OPCML: variants seen among roughly 807,000 people sequenced by gnomAD.
OPCML encodes the protein opioid binding protein/cell adhesion molecule like, also known as opioid-binding protein/cell adhesion molecule.
In OPCML, 13 loss-of-function variants were observed where a neutral mutation model predicts 37.8. The ratio of observed to expected loss-of-function variants is 0.34; its 90% CI spans 0.22 to 0.55. The LOEUF is 0.55. OPCML is among the 20% of genes least tolerant of loss of function. The pLI, the probability that OPCML is intolerant of heterozygous loss-of-function variation, is 0.91. For missense variants in OPCML, 341 were observed against 435.6 expected (o/e 0.78, Z 1.93); for synonymous variants, 176 against 168.8 (o/e 1.04, Z -0.33).
intron 4 of OPCML, among the ~76,000 whole-genome samples, chr11:132,471,870 C>T (rs983155282): frequency 3.9e-5 from 6 of 152,206 alleles, no homozygotes; most frequent in Non-Finnish European, 8.8e-5. Context: ...AACTCCAGCC[C>T]ACATTGAAAG....
At chr11:132,818,294 T>C (rs1939746343) in intron 2 of OPCML, among the ~76,000 whole-genome samples, 1 of 152,194 alleles carries the variant, frequency 6.6e-6, no homozygotes, top group African/African-American at 2.4e-5. Flanking sequence ...TTATCTTTTC[T>C]TCAATTTGGG....
chr11:132,472,874 A>G (rs925855327), intron 4 of OPCML, among the ~76,000 whole-genome samples: 1 of 152,240 alleles, frequency 6.6e-6, no homozygotes, highest in Non-Finnish European at 1.5e-5. Flanking sequence ...CATCAAATCA[A>G]CAGGCCACTT....
intron 1 of OPCML, among the ~76,000 whole-genome samples, chr11:133,530,191 T>C (rs1948576307): frequency 6.6e-6 from 1 of 152,082 alleles, no homozygotes; most frequent in Non-Finnish European, 1.5e-5. Flanking sequence ...CAGCCGGCTT[T>C]AGTTTCGGGT....
intron 3 of OPCML, among the ~76,000 whole-genome samples, chr11:132,558,817 C>A (rs1251597933): frequency 6.6e-6 from 1 of 151,880 alleles, no homozygotes; most frequent in Admixed American, 6.6e-5. Context: ...TTGATGATTG[C>A]ATAATTGTTG....
chr11:132,970,609 A>G (rs1049565645), intron 1 of OPCML, among the ~76,000 whole-genome samples: 4 of 152,158 alleles, frequency 2.6e-5, no homozygotes, highest in Non-Finnish European at 4.4e-5. Flanking sequence ...CCAGCTATGA[A>G]AAATTTATTT....
intron 1 of OPCML, among the ~76,000 whole-genome samples, chr11:133,417,790 A>C (rs529286551): frequency 6.6e-6 from 1 of 151,874 alleles, no homozygotes; most frequent in Non-Finnish European, 1.5e-5. Context: ...ACTAAATTCT[A>C]TGCCTTGTGT....
intron 1 of OPCML, among the ~76,000 whole-genome samples, chr11:133,449,281 C>T (rs1251810672): frequency 6.6e-6 from 1 of 152,154 alleles, no homozygotes; most frequent in Non-Finnish European, 1.5e-5. Context: ...TTAAGTTTTG[C>T]TGGACATAAA....
rs1257295776 is a variant in OPCML, at chr11:133,177,481, TAAAC to T, written c.62-234475_62-234472del. 2.0e-5 allele frequency among the ~76,000 whole-genome samples: 3 copies of T among 152,224 alleles called. No individual in the cohort carries two copies. Among genetic ancestry groups the T allele is most frequent in the Admixed American group, 1.3e-4 (2 of 15,296 alleles). ...CCACTGAAATGAATGAGAAAACAAA[TAAAC>T]AAATCAAAATCCTGCTTCCTGATGG... On this transcript the variant is annotated intron_variant, in intron 1 of 7. Coordinates refer to ENST00000524381, the MANE Select transcript of OPCML (RefSeq NM_001012393.5). The surrounding 1 kb of genome is among the most constrained non-coding windows in gnomAD (Gnocchi z 5.0).
chr11:132,425,224 T>A (rs896511462), intron 7 of OPCML, among the ~76,000 whole-genome samples: 1 of 152,256 alleles, frequency 6.6e-6, no homozygotes, highest in Non-Finnish European at 1.5e-5. Context: ...GGAGCTAGCT[T>A]ATCCTCTGTC....
At chr11:132,813,466 A>G (rs1939459870) in intron 2 of OPCML, among the ~76,000 whole-genome samples, 1 of 152,238 alleles carries the variant, frequency 6.6e-6, no homozygotes, top group African/African-American at 2.4e-5. Flanking sequence ...ATTTTACTGC[A>G]TGATGGACAC....
chr11:132,604,718 C>A (rs934114571), intron 3 of OPCML, among the ~76,000 whole-genome samples: 1 of 152,214 alleles, frequency 6.6e-6, no homozygotes, highest in Non-Finnish European at 1.5e-5. Context: ...ACTTTGTCAT[C>A]TTCTTCTTCT....
chr11:132,538,755 C>A (rs1013760153), intron 3 of OPCML, among the ~76,000 whole-genome samples: 6 of 152,176 alleles, frequency 3.9e-5, no homozygotes, highest in Non-Finnish European at 7.4e-5. Flanking sequence ...TACTTGCCCA[C>A]TGTTTCCTCT....
At chr11:132,478,109 C>A (rs1346911777) in intron 4 of OPCML, among the ~76,000 whole-genome samples, 1 of 152,102 alleles carries the variant, frequency 6.6e-6, no homozygotes, top group African/African-American at 2.4e-5. Flanking sequence ...AAAAGATTAA[C>A]TATGCTAAAA....
At chr11:132,489,110 C>T (rs566445576) in intron 4 of OPCML, among the ~76,000 whole-genome samples, 1 of 152,168 alleles carries the variant, frequency 6.6e-6, no homozygotes, top group African/African-American at 2.4e-5. Flanking sequence ...ATTCCTTAAG[C>T]TTTTTCCAAT....
chr11:133,328,922 A>G (rs1458655502), intron 1 of OPCML, among the ~76,000 whole-genome samples: 4 of 152,222 alleles, frequency 2.6e-5, no homozygotes, highest in African/African-American at 4.8e-5. Context: ...ATGATTGTAT[A>G]TCTAGAAAAC....
chr11:132,562,389 G>T (rs1490706832), intron 3 of OPCML, among the ~76,000 whole-genome samples: 1 of 151,976 alleles, frequency 6.6e-6, no homozygotes, highest in African/African-American at 2.4e-5. Context: ...TCGTTTGTTG[G>T]CATTTGGGTA....
intron 2 of OPCML, among the ~76,000 whole-genome samples, chr11:132,721,627 G>A (rs1042789080): frequency 6.6e-6 from 1 of 152,188 alleles, no homozygotes; most frequent in African/African-American, 2.4e-5. Context: ...GTGAGAGGAA[G>A]AAGGATAAAT....
intron 2 of OPCML, among the ~76,000 whole-genome samples, chr11:132,773,898 C>T (rs543206286): frequency 9.2e-5 from 14 of 152,238 alleles, no homozygotes; most frequent in Non-Finnish European, 1.5e-4. Flanking sequence ...TCACCACAGG[C>T]GCTCTGAAAG....
At chr11:132,601,356 C>T (rs936224134) in intron 3 of OPCML, among the ~76,000 whole-genome samples, 1 of 152,108 alleles carries the variant, frequency 6.6e-6, no homozygotes. Context: ...AACCAATTCC[C>T]CACAGTTACA....
Sources: gnomAD v4.1 joint callset for allele counts (sites outside exome capture counted in the v4.1 genomes callset) on GRCh38, gnomAD v4.1.1 for gene constraint, Gnocchi (gnomAD v3.1) non-coding constraint, MANE v1.5 for transcripts, NCBI Gene and HGNC (gene_info 2026-07-23, HGNC 2026-07-21) for gene names.